Variants in MICAL2 observed in about 807,000 individuals in gnomAD.
The protein encoded by MICAL2 is microtubule associated monooxygenase, calponin and LIM domain containing 2.
MICAL2 carries 77 observed loss-of-function variants against 127.3 expected under a neutral mutation model. The observed-to-expected ratio is 0.60, with a 90% CI of 0.50 to 0.73. MICAL2 has a LOEUF of 0.73. MICAL2 is among the 30% of genes least tolerant of loss of function. The probability of loss-of-function intolerance (pLI) is 0.00; values close to 1 mark genes in which losing one functional copy is unlikely to be tolerated. For synonymous variants in MICAL2, 570 were observed against 551.1 expected (o/e 1.03, Z -0.48); for missense variants, 1,351 against 1,434.4 (o/e 0.94, Z 0.94).
At position 12,262,420 on chromosome 11, in the gene MICAL2, C is replaced by G; in HGVS notation, c.3335-60C>G. The G allele has an allele frequency of 6.2e-6, 10 of 1,604,244 alleles. No individual in the cohort carries two copies. The East Asian group carries it at 2.2e-4, about 36-fold the overall frequency. ...GATGTTAATCATTTCCTTTTTTCCC[C>G]ACACTAAGCTCTCTTTTCTATCTTT... On this transcript the variant is annotated intron_variant, in intron 26 of 27. Coordinates refer to ENST00000683283, the MANE Select transcript of MICAL2 (RefSeq NM_001282663.2).
intron 1 of MICAL2, 42 bp from the exon 2 acceptor site, chr11:12,138,348 A>G (rs1401805102): frequency 1.3e-5 from 2 of 152,258 alleles, no homozygotes; most frequent in Non-Finnish European, 2.9e-5. Context: ...ATAAGCTACG[A>G]TGATGTCACT....
intron 7 of MICAL2, among the ~76,000 whole-genome samples, chr11:12,216,016 G>C (rs1283743916): frequency 2.6e-5 from 4 of 152,184 alleles, no homozygotes; most frequent in Non-Finnish European, 5.9e-5. Flanking sequence ...TGCCGCTATA[G>C]AACTATAGAA....
chr11:12,284,291 A>G lies in MICAL2; in HGVS notation c.255-2796A>G, dbSNP rs192375493. Among the ~76,000 whole-genome samples, 309 of 152,320 alleles carry G rather than the reference A, an allele frequency of 2.0e-3. 2 individuals are homozygous for G. The highest frequency in any genetic ancestry group is 0.014 in the Middle Eastern group (4 of 294). The stretch of plus-strand genomic sequence containing the variant: ...CTTATCAGTTTGTAGCAATGAAATG[A>G]TATCATCAGCACCACATGGGAAAAT... On this transcript the variant is annotated intron_variant, in intron 2 of 2. Coordinates refer to the MICAL2 transcript ENST00000529028.
chr11:12,226,418 T>C (rs1412483405), intron 14 of MICAL2, 48 bp downstream of exon 14: 3 of 1,574,050 alleles, frequency 1.9e-6, no homozygotes, highest in Non-Finnish European at 2.6e-6. Context: ...GCCAACTCTG[T>C]CCCTGTCTCT....
downstream of MICAL2, chr11:12,358,487 C>A (rs555226376): frequency 3.0e-5 from 49 of 1,612,060 alleles, no homozygotes; most frequent in East Asian, 8.9e-4. Flanking sequence ...TGAGGAGGCC[C>A]GTAGTCCCTC....
At chr11:12,287,455 T>C (rs3736304), downstream of MICAL2, 90,820 of 266,260 alleles carry the variant, frequency 0.34, 16,790 homozygotes, top group East Asian at 0.52. Context: ...TAGCCATCAT[T>C]GCCTCTAAGC....
chr11:12,143,336 C>T (rs553158887), intron 2 of MICAL2, among the ~76,000 whole-genome samples: 107 of 152,318 alleles, frequency 7.0e-4, no homozygotes, highest in African/African-American at 2.4e-3. Flanking sequence ...GAGATCAGCT[C>T]TGAAGTGGGA....
intron 26 of MICAL2, chr11:12,262,195 A>C (rs749708836): frequency 2.4e-5 from 31 of 1,312,416 alleles, no homozygotes; most frequent in Non-Finnish European, 3.0e-5. Flanking sequence ...CATATTCAAG[A>C]ATGAATGGGA....
downstream of MICAL2, chr11:12,292,405 A>T: frequency 9.7e-6 from 12 of 1,240,818 alleles, no homozygotes; most frequent in Non-Finnish European, 1.4e-5. Context: ...GGTCAACCTA[A>T]GTGCAAAGCC....
chr11:12,193,855 C>T lies in MICAL2; in HGVS notation c.265-10395C>T, dbSNP rs537305305. Among the ~76,000 whole-genome samples the T allele has an allele frequency of 9.9e-4, 151 of 152,340 alleles. 1 individual carries two copies. Among genetic ancestry groups the T allele is most frequent in the Non-Finnish European group, 1.9e-3 (131 of 68,036 alleles). Reference sequence around the variant, plus strand: ...GGGCTTGTTGTGAGATTTGAATGAACTGATACATGTGACAACTGGTGCTGG... The same window carrying T: ...GGGCTTGTTGTGAGATTTGAATGAATTGATACATGTGACAACTGGTGCTGG... On this transcript the variant is annotated intron_variant, in intron 3 of 27. Coordinates refer to ENST00000683283, the MANE Select transcript of MICAL2 (RefSeq NM_001282663.2).
intron 21 of MICAL2, among the ~76,000 whole-genome samples, chr11:12,245,412 A>G (rs1171017960): frequency 1.3e-5 from 2 of 152,236 alleles, no homozygotes; most frequent in Non-Finnish European, 2.9e-5. Flanking sequence ...TTGGTGTGTA[A>G]TTGGGGGTCC....
downstream of MICAL2, chr11:12,292,164 G>T (rs1376260829): frequency 1.2e-6 from 2 of 1,613,772 alleles, no homozygotes; most frequent in African/African-American, 2.7e-5. Context: ...GTGAACAAAA[G>T]AACTATGTCA....
chr11:12,236,293 C>T, intron 16 of MICAL2, 48 bp downstream of exon 16: 2 of 1,559,640 alleles, frequency 1.3e-6, no homozygotes, highest in South Asian at 2.2e-5. Context: ...TTCCTGACAA[C>T]CAGTGGCCAC....
At chr11:12,197,516 T>C (rs1351793669) in intron 3 of MICAL2, 1 of 152,218 alleles carries the variant, frequency 6.6e-6, no homozygotes, top group African/African-American at 2.4e-5. Flanking sequence ...AAGATGGGAC[T>C]GTGTTGACCT....
chr11:12,310,178 T>C (rs578025912), intron 29 of MICAL2, among the ~76,000 whole-genome samples: 1 of 152,264 alleles, frequency 6.6e-6, no homozygotes, highest in Admixed American at 6.5e-5. Flanking sequence ...CTCTTTTGCT[T>C]GAATAATCTC....
In MICAL2 at chr11:12,223,418, A is replaced by G. The variant is rs1422307504; in HGVS notation, c.1457A>G (p.His486Arg). 1 of 1,613,826 alleles carries G rather than the reference A, an allele frequency of 6.2e-7. No homozygotes were observed. Among genetic ancestry groups the G allele is most frequent in the Non-Finnish European group, 8.5e-7 (1 of 1,179,796 alleles). The change falls in exon 12 of 28, where the codon CAT becomes CGT. Residue 486 changes from histidine (H) to arginine (R), a missense_variant. Coordinates refer to ENST00000683283, the MANE Select transcript of MICAL2 (RefSeq NM_001282663.2). Reference protein sequence around the residue: ...SHCVRPHQVKHLYITKELEHY... With the variant: ...SHCVRPHQVKRLYITKELEHY... ...TGTCTCTCTTGCTCATAGGTGAAGC[A>G]TTTGTATATCACTAAGGAGCTGGAG...
chr11:12,256,900 G>A lies in MICAL2; in HGVS notation c.3071G>A (p.Arg1024Gln), dbSNP rs374855539. The change falls in exon 24 of 28, where the codon CGG becomes CAG. Residue 1024 changes from arginine to glutamine, a missense_variant. Arg to Gln is a conservative substitution (Grantham distance 43). Around this residue, in one of 2 missense-constraint regions of MICAL2, gnomAD observed 752 missense variants for 719.4 expected, o/e 1.05. Coordinates refer to ENST00000683283, the MANE Select transcript of MICAL2 (RefSeq NM_001282663.2). ...AGCGCCGAGGGCCACTTCTTCCACCGGGAGTGTTTCCGCTGCAGCATCTGT... is the reference window on the plus strand; with the variant it reads ...AGCGCCGAGGGCCACTTCTTCCACCAGGAGTGTTTCCGCTGCAGCATCTGT... ...RLSAEGHFFHRECFRCSICAT... is the reference protein window; with the variant it reads ...RLSAEGHFFHQECFRCSICAT... The A allele has an allele frequency of 2.0e-5, 32 of 1,614,160 alleles. No homozygotes were observed. Among genetic ancestry groups the A allele is most frequent in the African/African-American group, 1.3e-4 (10 of 75,066 alleles).
chr11:12,238,889 G>A (rs1418430653), intron 16 of MICAL2, among the ~76,000 whole-genome samples: 2 of 152,068 alleles, frequency 1.3e-5, no homozygotes, highest in East Asian at 3.9e-4. Context: ...TAAAAAGATA[G>A]CAAAAATAGA....
At chr11:12,133,974 G>T (rs1311357978) in intron 1 of MICAL2, among the ~76,000 whole-genome samples, 1 of 152,238 alleles carries the variant, frequency 6.6e-6, no homozygotes, top group Non-Finnish European at 1.5e-5. Context: ...GTGAGGAAAA[G>T]ACCCCAGGCT....
Sources: allele counts gnomAD v4.1 joint callset (sites outside exome capture counted in the v4.1 genomes callset), GRCh38; gene constraint gnomAD v4.1.1; regional missense constraint gnomAD v4.1.1; transcripts MANE v1.5; gene names NCBI Gene and HGNC (gene_info 2026-07-23, HGNC 2026-07-21).